Variants in POU6F2 observed in about 807,000 individuals in gnomAD.
POU6F2 encodes the protein POU class 6 homeobox 2.
In POU6F2, 31 loss-of-function variants were observed where a neutral mutation model predicts 71.3. The observed-to-expected ratio is 0.43, with a 90% CI of 0.33 to 0.59. The LOEUF is 0.59. POU6F2 is among the 20% of genes least tolerant of loss of function. POU6F2 has a pLI of 0.04. For synonymous variants in POU6F2, 347 were observed against 355.7 expected, an observed-to-expected ratio of 0.98 and a Z score of 0.27; for missense variants, 783 against 856.8, an observed-to-expected ratio of 0.91 and a Z score of 1.07.
At chr7:39,095,800 A>G (rs1791443705) in intron 2 of POU6F2, among the ~76,000 whole-genome samples, 1 of 152,216 alleles carries the variant, frequency 6.6e-6, no homozygotes, top group African/African-American at 2.4e-5. Context: ...GGGGTACCCA[A>G]AGTGGCAGCA....
chr7:39,332,862 T>G (rs1172875814), intron 4 of POU6F2, among the ~76,000 whole-genome samples: 1 of 152,186 alleles, frequency 6.6e-6, no homozygotes, highest in Non-Finnish European at 1.5e-5. Flanking sequence ...CTCAGTGTTT[T>G]GGGGTGAGAT....
intron 4 of POU6F2, among the ~76,000 whole-genome samples, chr7:39,255,557 AT>A (rs1308625262): frequency 6.6e-6 from 1 of 152,218 alleles, no homozygotes; most frequent in Admixed American, 6.5e-5. Context: ...CAGTCTTAAT[AT>A]TTCGGGAAAT....
intron 4 of POU6F2, among the ~76,000 whole-genome samples, chr7:39,256,215 C>T (rs770428646): frequency 4.0e-5 from 6 of 151,852 alleles, no homozygotes; most frequent in Non-Finnish European, 7.4e-5. Flanking sequence ...TATGCATCTA[C>T]TTCCTTTCAT....
At chr7:39,185,204 G>A (rs1436757660) in intron 2 of POU6F2, among the ~76,000 whole-genome samples, 1 of 152,066 alleles carries the variant, frequency 6.6e-6, no homozygotes, top group Non-Finnish European at 1.5e-5. Flanking sequence ...AATAGGATGG[G>A]TGGCGGGATG....
At chr7:39,250,214 C>A (rs1783890849) in intron 4 of POU6F2, among the ~76,000 whole-genome samples, 1 of 152,174 alleles carries the variant, frequency 6.6e-6, no homozygotes, top group Admixed American at 6.5e-5. Flanking sequence ...TCATCTGCAC[C>A]CACTTCAGGT....
intron 1 of POU6F2, among the ~76,000 whole-genome samples, chr7:39,036,999 C>A (rs561601202): frequency 6.6e-6 from 1 of 151,966 alleles, no homozygotes; most frequent in African/African-American, 2.4e-5. Flanking sequence ...TTTCATCACC[C>A]TGATACAAAG....
chr7:39,331,561 G>T (rs1263935963), intron 4 of POU6F2, among the ~76,000 whole-genome samples: 1 of 152,150 alleles, frequency 6.6e-6, no homozygotes, highest in Non-Finnish European at 1.5e-5. Context: ...TGGCTGGAGT[G>T]CAGTGGTGCG....
chr7:39,027,834 A>G (rs1789848456), intron 1 of POU6F2, among the ~76,000 whole-genome samples: 1 of 152,106 alleles, frequency 6.6e-6, no homozygotes, highest in Non-Finnish European at 1.5e-5. Context: ...TACATTCTGG[A>G]TTTTTTTAAA....
chr7:39,390,778 T>A lies in POU6F2; in HGVS notation c.973-15822T>A, dbSNP rs1787057640. Reference sequence around the variant, plus strand: ...TTAGTGGCGTTACATGAGAAGTGGGTACTATCATCAAATAATGTTGGGCAA... The same window carrying A: ...TTAGTGGCGTTACATGAGAAGTGGGAACTATCATCAAATAATGTTGGGCAA... On this transcript the variant is annotated intron_variant, in intron 5 of 9. Coordinates refer to ENST00000518318, the MANE Select transcript of POU6F2 (RefSeq NM_001370959.1). Among the ~76,000 whole-genome samples the A allele has an allele frequency of 2.0e-5, 3 of 152,300 alleles. No homozygotes were observed. The South Asian group carries it at 6.2e-4, about 32-fold the overall frequency.
intron 1 of POU6F2, among the ~76,000 whole-genome samples, chr7:39,068,450 CAAGA>C (rs1240115916): frequency 6.8e-6 from 1 of 146,390 alleles, no homozygotes; most frequent in Non-Finnish European, 1.5e-5. Context: ...CTAAAAACAC[CAAGA>C]AAGATAACAG....
intron 6 of POU6F2, among the ~76,000 whole-genome samples, chr7:39,418,957 A>ATATATGTG (rs1197445742): frequency 1.3e-5 from 1 of 77,316 alleles, no homozygotes. Flanking sequence ...GTATATATGT[A>ATATATGTG]TATATATGTG....
At position 39,464,571 on chromosome 7, in the gene POU6F2, G is replaced by T. The variant is rs1181041226; in HGVS notation, c.2048G>T (p.Trp683Leu). ...LNYDREVVRVWFCNKRQALKN... is the reference protein window; with the variant it reads ...LNYDREVVRVLFCNKRQALKN... ...TATGACCGAGAAGTAGTTAGAGTTT[G>T]GTTCTGCAATAAGAGGCAAGCCCTG... Residue 683 changes from tryptophan (W) to leucine (L), a missense_variant, in exon 10 of 10, where the codon TGG becomes TTG. Transcript: ENST00000518318. The surrounding 1 kb of genome is among the most constrained non-coding windows in gnomAD (Gnocchi z 4.1). 1.2e-6 allele frequency: 2 copies of T among 1,612,620 alleles called. No homozygotes were observed. The highest frequency in any genetic ancestry group is 1.7e-5 in the Admixed American group (1 of 59,830).
At chr7:39,305,928 C>G (rs1459707355) in intron 4 of POU6F2, among the ~76,000 whole-genome samples, 1 of 152,086 alleles carries the variant, frequency 6.6e-6, no homozygotes, top group African/African-American at 2.4e-5. Context: ...ATAGTAAATC[C>G]TTTAACCACT....
At chr7:39,405,714 A>T (rs557833106) in intron 5 of POU6F2, among the ~76,000 whole-genome samples, 1 of 152,360 alleles carries the variant, frequency 6.6e-6, no homozygotes, top group African/African-American at 2.4e-5. Flanking sequence ...CTTCTGCCTC[A>T]TGGTCAGAAG....
intron 1 of POU6F2, among the ~76,000 whole-genome samples, chr7:38,993,018 CAG>C (rs1220594429): frequency 6.6e-6 from 1 of 152,042 alleles, no homozygotes; most frequent in Non-Finnish European, 1.5e-5. Context: ...TACTTGGAAA[CAG>C]TGACTTGAGG....
At chr7:39,228,903 T>C (rs965163723) in intron 4 of POU6F2, among the ~76,000 whole-genome samples, 3 of 152,146 alleles carry the variant, frequency 2.0e-5, no homozygotes, top group African/African-American at 4.8e-5. Context: ...GGAATGTCTT[T>C]CGGGCTCTGC....
At chr7:39,401,613 T>C (rs1054197365) in intron 5 of POU6F2, among the ~76,000 whole-genome samples, 2 of 152,200 alleles carry the variant, frequency 1.3e-5, no homozygotes, top group African/African-American at 4.8e-5. Context: ...TTCATACACA[T>C]AGGAAAAGTC....
At chr7:39,003,169 A>G (rs1194900299) in intron 1 of POU6F2, among the ~76,000 whole-genome samples, 1 of 152,226 alleles carries the variant, frequency 6.6e-6, no homozygotes, top group African/African-American at 2.4e-5. Context: ...CTAAATATTT[A>G]TGGATGTGTA....
At chr7:39,184,330 G>C (rs1190985680) in intron 2 of POU6F2, among the ~76,000 whole-genome samples, 6 of 152,134 alleles carry the variant, frequency 3.9e-5, no homozygotes, top group African/African-American at 1.4e-4. Flanking sequence ...AAAATATCAA[G>C]TAGTCCTTTT....
Sources: gnomAD v4.1 joint callset for allele counts (sites outside exome capture counted in the v4.1 genomes callset) on GRCh38, gnomAD v4.1.1 for gene constraint, Gnocchi (gnomAD v3.1) non-coding constraint, MANE v1.5 for transcripts, NCBI Gene and HGNC (gene_info 2026-07-23, HGNC 2026-07-21) for gene names.